ERBB4: variants seen among roughly 807,000 people sequenced by gnomAD.
ERBB4 encodes the protein erb-b2 receptor tyrosine kinase 4.
In ERBB4, 42 loss-of-function variants were observed where a neutral mutation model predicts 158.0. The observed-to-expected ratio is 0.27, with a 90% confidence interval of 0.21 to 0.34. The LOEUF is 0.34. Ranked by LOEUF, ERBB4 falls within the 10% of genes least tolerant of loss-of-function variation. The pLI, the probability that ERBB4 is intolerant of heterozygous loss-of-function variation, is 1.00. For missense variants in ERBB4, 1,333 were observed against 1,624.1 expected (o/e 0.82, Z 3.08); for synonymous variants, 583 against 558.7 (o/e 1.04, Z -0.61).
At chr2:211,430,291 C>G (rs1646825211) in intron 21 of ERBB4, among the ~76,000 whole-genome samples, 1 of 151,942 alleles carries the variant, frequency 6.6e-6, no homozygotes, top group Admixed American at 6.6e-5. Flanking sequence ...CTAGGTGAAG[C>G]TAGAGGGACC....
intron 1 of ERBB4, among the ~76,000 whole-genome samples, chr2:212,365,190 T>C (rs756484604): frequency 2.6e-5 from 4 of 151,620 alleles, no homozygotes; most frequent in Non-Finnish European, 4.4e-5. Context: ...ATGTAAATAA[T>C]TCAAACTAAA....
At chr2:211,655,980 C>T (rs904974291) in intron 16 of ERBB4, among the ~76,000 whole-genome samples, 5 of 152,192 alleles carry the variant, frequency 3.3e-5, no homozygotes, top group Middle Eastern at 3.4e-3. Flanking sequence ...CATGTAAAGG[C>T]AATAACATAT....
chr2:211,706,612 A>C (rs182126609), intron 9 of ERBB4, among the ~76,000 whole-genome samples: 11 of 151,832 alleles, frequency 7.2e-5, no homozygotes, highest in Admixed American at 2.6e-4. Flanking sequence ...AAAAAAAAAA[A>C]AAACAAAAAA....
At chr2:211,413,476 C>G (rs1488495327) in intron 25 of ERBB4, among the ~76,000 whole-genome samples, 1 of 152,066 alleles carries the variant, frequency 6.6e-6, no homozygotes, top group African/African-American at 2.4e-5. Context: ...CCTCAAGCAT[C>G]ATGTCAAAGA....
chr2:212,434,109 G>T (rs909780678), intron 1 of ERBB4, among the ~76,000 whole-genome samples: 11 of 151,894 alleles, frequency 7.2e-5, no homozygotes, highest in Non-Finnish European at 1.0e-4. Context: ...CCCCTTAGGG[G>T]TCAGCAAGAG....
At position 212,310,643 on chromosome 2, in the gene ERBB4, GTATA is replaced by G. The variant is rs370352860; in HGVS notation, c.83-185744_83-185741del. Among the ~76,000 whole-genome samples the G allele has an allele frequency of 1.5e-3, 181 of 123,644 alleles. 1 individual carries two copies. Among genetic ancestry groups the G allele is most frequent in the African/African-American group, 4.7e-3 (171 of 36,098 alleles). 81.1% of individuals were successfully genotyped at this position (123,644 alleles called of 152,430 possible). On this transcript the variant is annotated intron_variant, in intron 1 of 27. Coordinates refer to ENST00000342788, the MANE Select transcript of ERBB4 (RefSeq NM_005235.3). Reference sequence around the variant, plus strand: ...TGTGTGTGTGTGTGTGTGTGTGTGTGTATATATATATATTCCAGAAGTTTATAGT... The same window carrying G: ...TGTGTGTGTGTGTGTGTGTGTGTGTGTATATATATTCCAGAAGTTTATAGT...
chr2:212,177,517 A>G (rs916386856), intron 1 of ERBB4, among the ~76,000 whole-genome samples: 3 of 151,924 alleles, frequency 2.0e-5, no homozygotes, highest in Admixed American at 1.3e-4. Context: ...TTGAGTGCCA[A>G]CTTAGGGTAA....
At chr2:211,639,219 C>A (rs2070478774) in intron 16 of ERBB4, among the ~76,000 whole-genome samples, 1 of 152,006 alleles carries the variant, frequency 6.6e-6, no homozygotes. Context: ...TATATAAGGA[C>A]ATGTTTTGTG....
intron 1 of ERBB4, among the ~76,000 whole-genome samples, chr2:212,301,490 A>G (rs2086620051): frequency 6.6e-6 from 1 of 151,350 alleles, no homozygotes; most frequent in Admixed American, 6.6e-5. Context: ...ATATCATGTG[A>G]CTCTGAAATA....
chr2:211,947,677 C>G, intron 2 of ERBB4, 61 bp from the exon 3 acceptor site: 1 of 1,388,728 alleles, frequency 7.2e-7, no homozygotes, highest in Non-Finnish European at 1.0e-6. Context: ...GTATATGTAG[C>G]AATTTAGATT....
chr2:211,400,222 G>GTGCTT (rs2063005682), intron 25 of ERBB4, among the ~76,000 whole-genome samples: 1 of 152,028 alleles, frequency 6.6e-6, no homozygotes, highest in Admixed American at 6.6e-5. Context: ...CCTGTGTTGG[G>GTGCTT]TGCTTTATAA....
At chr2:211,580,869 A>G (rs796395360) in intron 19 of ERBB4, among the ~76,000 whole-genome samples, 44 of 460 alleles carry the variant, frequency 0.096, 9 homozygotes, top group African/African-American at 0.23. Context: ...GCATATACAT[A>G]TATATATATA....
At chr2:211,674,253 C>A (rs1042126815) in intron 13 of ERBB4, among the ~76,000 whole-genome samples, 2 of 152,038 alleles carry the variant, frequency 1.3e-5, no homozygotes, top group African/African-American at 2.4e-5. Flanking sequence ...TGTTACTACT[C>A]CACACCAATA....
chr2:212,121,540 TCTTA>T (rs1457851226), intron 2 of ERBB4, among the ~76,000 whole-genome samples: 1 of 152,154 alleles, frequency 6.6e-6, no homozygotes, highest in Non-Finnish European at 1.5e-5. Context: ...CACTCCTTGA[TCTTA>T]CTCTTTTTAA....
chr2:212,055,178 G>C (rs998124222), intron 2 of ERBB4, among the ~76,000 whole-genome samples: 1 of 152,192 alleles, frequency 6.6e-6, no homozygotes, highest in Non-Finnish European at 1.5e-5. Flanking sequence ...AGGGTCCCAC[G>C]CCCACAGAGC....
chr2:212,228,840 AT>A (rs149632157), intron 1 of ERBB4, among the ~76,000 whole-genome samples: 15 of 152,134 alleles, frequency 9.9e-5, no homozygotes, highest in African/African-American at 2.9e-4. Context: ...CAAATTGTTT[AT>A]TTTTTTTCTG....
chr2:212,266,394 G>C (rs2085137438), intron 1 of ERBB4, among the ~76,000 whole-genome samples: 1 of 151,876 alleles, frequency 6.6e-6, no homozygotes, highest in African/African-American at 2.4e-5. Context: ...AATCAAACAA[G>C]GACTGTTGTT....
chr2:211,906,027 C>G (rs2079383467), intron 3 of ERBB4, among the ~76,000 whole-genome samples: 1 of 151,864 alleles, frequency 6.6e-6, no homozygotes, highest in African/African-American at 2.4e-5. Context: ...ACAGAGGTAG[C>G]ACACCTACAG....
chr2:211,619,807 A>T (rs1022104862), intron 18 of ERBB4, among the ~76,000 whole-genome samples: 3 of 152,156 alleles, frequency 2.0e-5, no homozygotes, highest in African/African-American at 7.2e-5. Context: ...TTCAAGAATG[A>T]ATATTTAAGA....
Sources: gnomAD v4.1 joint callset for allele counts (sites outside exome capture counted in the v4.1 genomes callset) on GRCh38, gnomAD v4.1.1 for gene constraint, MANE v1.5 for transcripts, NCBI Gene and HGNC (gene_info 2026-07-23, HGNC 2026-07-21) for gene names.